SORCS2: variants seen among roughly 807,000 people sequenced by gnomAD.
The protein encoded by SORCS2 is VPS10 domain-containing receptor SorCS2.
Under a neutral mutation model 141.6 loss-of-function variants are expected in SORCS2, and 100 were observed. The ratio of observed to expected loss-of-function variants is 0.71; its 90% CI spans 0.60 to 0.83. SORCS2 has a LOEUF of 0.83. SORCS2 is among the 40% of genes least tolerant of loss of function. The pLI is 0.00. For missense variants in SORCS2, 1,646 were observed against 1,560.2 expected (o/e 1.05, Z -0.93); for synonymous variants, 789 against 676.9 (o/e 1.17, Z -2.57).
chr4:7,393,582 G>T (rs1485424539), intron 1 of SORCS2, among the ~76,000 whole-genome samples: 1 of 152,080 alleles, frequency 6.6e-6, no homozygotes, highest in South Asian at 2.1e-4. Flanking sequence ...ATATTGAAGC[G>T]CTCTCTGCTT....
At chr4:7,630,039 T>C (rs80158125) in intron 3 of SORCS2, among the ~76,000 whole-genome samples, 1,955 of 152,320 alleles carry the variant, frequency 0.013, 42 homozygotes, top group African/African-American at 0.044. Flanking sequence ...CACCAGGTTA[T>C]CTCACTTGGT....
rs188325923 is a variant in SORCS2 at position 7,533,931 on chromosome 4, G to A, written c.648+2302G>A. On this transcript the variant is annotated intron_variant, in intron 3 of 26. Transcript: ENST00000507866. ...CCTTCTGTGCGGGCCAAAGGCTGGG[G>A]CTGCGATGTGGGGTGCTCAATAGAA... Among the ~76,000 whole-genome samples the A allele has an allele frequency of 8.9e-3, 1,356 of 152,300 alleles. 21 individuals are homozygous for A. The highest frequency in any genetic ancestry group is 0.031 in the African/African-American group (1,304 of 41,546).
intron 2 of SORCS2, among the ~76,000 whole-genome samples, chr4:7,449,880 A>G (rs935332028): frequency 2.0e-5 from 3 of 152,162 alleles, no homozygotes; most frequent in Non-Finnish European, 2.9e-5. Context: ...TGAGGAAGGT[A>G]CTTGGGGCTG....
chr4:7,484,655 C>G (rs1730863627), intron 2 of SORCS2, among the ~76,000 whole-genome samples: 1 of 152,148 alleles, frequency 6.6e-6, no homozygotes. Context: ...CCGTTCTGAT[C>G]CCAGTTTAAA....
intron 2 of SORCS2, among the ~76,000 whole-genome samples, chr4:7,503,288 A>G (rs1467768419): frequency 6.6e-6 from 1 of 152,188 alleles, no homozygotes; most frequent in Non-Finnish European, 1.5e-5. Context: ...GGCCTAGTTA[A>G]AGAAAGTGGT....
At chr4:7,588,000 A>G (rs1297352373) in intron 3 of SORCS2, among the ~76,000 whole-genome samples, 1 of 152,230 alleles carries the variant, frequency 6.6e-6, no homozygotes, top group African/African-American at 2.4e-5. Flanking sequence ...CAAAGGATTA[A>G]TCAGAACACC....
chr4:7,513,765 G>A (rs535807824), intron 2 of SORCS2, among the ~76,000 whole-genome samples: 12 of 152,274 alleles, frequency 7.9e-5, no homozygotes, highest in African/African-American at 2.2e-4. Flanking sequence ...GACTTAACTC[G>A]TAATTTTCAA....
chr4:7,245,554 C>T (rs1250128848), intron 1 of SORCS2, among the ~76,000 whole-genome samples: 1 of 152,222 alleles, frequency 6.6e-6, no homozygotes, highest in Non-Finnish European at 1.5e-5. Flanking sequence ...TCTTTGGTTT[C>T]TCCATCTGTG....
rs115631680 is a variant in SORCS2 at position 7,649,877 on chromosome 4, G to T, written c.814-4257G>T. ...TGTCGTTGGTTCGTCATAAGGTGGT[G>T]CCCGTGACAAGGACACGTGGGAACA... On this transcript the variant is annotated intron_variant, in intron 4 of 26. Coordinates refer to ENST00000507866, the MANE Select transcript of SORCS2 (RefSeq NM_020777.3). Among the ~76,000 whole-genome samples, 430 of 152,300 alleles carry T rather than the reference G, an allele frequency of 2.8e-3. 2 individuals are homozygous for T. The highest frequency in any genetic ancestry group is 9.7e-3 in the African/African-American group (403 of 41,552).
At chr4:7,724,907 G>GT (rs1560115033) in intron 19 of SORCS2, among the ~76,000 whole-genome samples, 3,249 of 54,706 alleles carry the variant, frequency 0.059, 304 homozygotes, top group Middle Eastern at 0.085. Context: ...GGTGGTGATA[G>GT]TATTGGTGGG....
At chr4:7,455,596 T>C (rs1371585294) in intron 2 of SORCS2, among the ~76,000 whole-genome samples, 1 of 107,752 alleles carries the variant, frequency 9.3e-6, no homozygotes, top group African/African-American at 3.7e-5. Context: ...TGGGGTCAGG[T>C]GCTGTGTGTT....
At chr4:7,647,409 A>G (rs769149644) in intron 4 of SORCS2, among the ~76,000 whole-genome samples, 3 of 152,098 alleles carry the variant, frequency 2.0e-5, no homozygotes, top group Non-Finnish European at 2.9e-5. Context: ...AGACAGCCAC[A>G]CTCACAGCTG....
At chr4:7,226,661 C>T (rs1162819607) in intron 1 of SORCS2, among the ~76,000 whole-genome samples, 1 of 152,144 alleles carries the variant, frequency 6.6e-6, no homozygotes, top group African/African-American at 2.4e-5. Flanking sequence ...CTTTCATAGG[C>T]CACCTCCCTC....
Position 7,695,746 on chromosome 4 carries a change from GGATGGATGGATGGA to G in SORCS2, c.1592-1451_1592-1438del, listed in dbSNP as rs2108999236. Among the ~76,000 whole-genome samples the G allele has an allele frequency of 8.0e-5, 2 of 24,910 alleles. 1 individual carries two copies. The highest frequency in any genetic ancestry group is 4.9e-3 in the East Asian group (2 of 410). 16.3% of individuals were successfully genotyped at this position (24,910 alleles called of 152,430 possible). A position where few individuals can be genotyped will look rare whatever the true frequency, so the allele number is the denominator to read the frequency against. On this transcript the variant is annotated intron_variant, in intron 11 of 26. Coordinates refer to ENST00000507866, the MANE Select transcript of SORCS2 (RefSeq NM_020777.3). ...TGGATGGATGGATTGGTGGGTGGATGGATGGATGGATGGATGGATGGATGGATGGATGGATGGAT... is the reference window on the plus strand; with the variant it reads ...TGGATGGATGGATTGGTGGGTGGATGTGGATGGATGGATGGATGGATGGAT...
chr4:7,583,363 G>T (rs1716291930), intron 3 of SORCS2, among the ~76,000 whole-genome samples: 1 of 152,078 alleles, frequency 6.6e-6, no homozygotes, highest in Non-Finnish European at 1.5e-5. Context: ...CTACACTCCT[G>T]CTAGAAAAAA....
chr4:7,355,611 C>T (rs534507643), intron 1 of SORCS2, among the ~76,000 whole-genome samples: 14 of 152,040 alleles, frequency 9.2e-5, no homozygotes, highest in South Asian at 2.1e-4. Flanking sequence ...GGAGAGAGCA[C>T]GGAGGGCTGA....
chr4:7,689,087 C>T (rs1185035178), intron 10 of SORCS2, among the ~76,000 whole-genome samples: 2 of 152,156 alleles, frequency 1.3e-5, no homozygotes, highest in East Asian at 3.9e-4. Flanking sequence ...TGGCCCGGCA[C>T]TTGACCCGGC....
intron 3 of SORCS2, among the ~76,000 whole-genome samples, chr4:7,626,177 T>TA (rs1236627947): frequency 6.6e-6 from 1 of 151,884 alleles, no homozygotes; most frequent in African/African-American, 2.4e-5. Context: ...AATAAATAAA[T>TA]AAATAAAAGT....
intron 11 of SORCS2, among the ~76,000 whole-genome samples, chr4:7,695,420 T>A (rs187662009): frequency 0.034 from 154 of 4,516 alleles, no homozygotes; most frequent in Middle Eastern, 0.071. Context: ...GGGTGGATGG[T>A]TGGATGGATG....
Sources: gnomAD v4.1 joint callset for allele counts (sites outside exome capture counted in the v4.1 genomes callset) on GRCh38, gnomAD v4.1.1 for gene constraint, MANE v1.5 for transcripts, NCBI Gene and HGNC (gene_info 2026-07-23, HGNC 2026-07-21) for gene names.